The following INPP4A variants were observed in gnomAD, a reference collection of about 807,000 sequenced individuals.
The protein encoded by INPP4A is inositol polyphosphate-4-phosphatase, type I, 107kD.
Under a neutral mutation model 119.8 loss-of-function variants are expected in INPP4A, and 33 were observed. The ratio of observed to expected loss-of-function variants is 0.28; its 90% CI spans 0.21 to 0.37. The LOEUF (loss-of-function observed/expected upper bound fraction) is 0.37. Among genes scored for constraint, INPP4A ranks in the 10% least tolerant of loss-of-function variants. The pLI is 1.00. For missense variants in INPP4A, 956 were observed against 1,289.9 expected (o/e 0.74, Z 3.97); for synonymous variants, 496 against 500.7 (o/e 0.99, Z 0.12).
chr2:98,575,577 ATTCTCC>A (rs1559108766), intron 23 of INPP4A, among the ~76,000 whole-genome samples: 1 of 151,916 alleles, frequency 6.6e-6, no homozygotes, highest in African/African-American at 2.4e-5. Context: ...GAAGAAGCCT[ATTCTCC>A]TTCTGATTGT....
intron 17 of INPP4A, among the ~76,000 whole-genome samples, chr2:98,560,644 C>T (rs1347226850): frequency 3.9e-5 from 6 of 152,214 alleles, no homozygotes; most frequent in Admixed American, 3.9e-4. Flanking sequence ...AACAGTTGAT[C>T]TTGGTCTCCT....
At chr2:98,583,571 A>C (rs746680219) in intron 24 of INPP4A, among the ~76,000 whole-genome samples, 12 of 152,204 alleles carry the variant, frequency 7.9e-5, no homozygotes, top group Non-Finnish European at 1.5e-4. Context: ...TCTGTTTTCC[A>C]GTTCATATTA....
At chr2:98,582,621 A>C (rs888558626) in intron 24 of INPP4A, among the ~76,000 whole-genome samples, 1 of 149,392 alleles carries the variant, frequency 6.7e-6, no homozygotes, top group Admixed American at 6.6e-5. Context: ...CACCTACTGC[A>C]TACGCCAGAC....
chr2:98,489,215 G>A (rs774105372), intron 1 of INPP4A, among the ~76,000 whole-genome samples: 12 of 152,054 alleles, frequency 7.9e-5, no homozygotes, highest in Non-Finnish European at 1.8e-4. Context: ...GAGAAATCAG[G>A]AGGAGCCAGT....
intron 1 of INPP4A, among the ~76,000 whole-genome samples, chr2:98,500,440 G>T (rs1256430129): frequency 7.2e-5 from 11 of 152,184 alleles, no homozygotes; most frequent in Non-Finnish European, 1.5e-5. Context: ...CATGTCTGCT[G>T]TTCCAGAGAA....
At chr2:98,472,189 A>G (rs926190250) in intron 1 of INPP4A, among the ~76,000 whole-genome samples, 2 of 152,214 alleles carry the variant, frequency 1.3e-5, no homozygotes. Context: ...ACAGGGGCCA[A>G]GGAGGGCTGG....
intron 1 of INPP4A, among the ~76,000 whole-genome samples, chr2:98,478,286 C>T (rs912198814): frequency 6.6e-6 from 1 of 152,118 alleles, no homozygotes. Context: ...GTGGAGGCCT[C>T]GTCATGACTG....
At chr2:98,565,816 T>C (rs1696331948) in intron 20 of INPP4A, 50 bp downstream of exon 20, 5 of 1,594,810 alleles carry the variant, frequency 3.1e-6, no homozygotes, top group African/African-American at 1.4e-5. Flanking sequence ...TTTTCATTTT[T>C]GTTTATCTCA....
intron 1 of INPP4A, among the ~76,000 whole-genome samples, chr2:98,467,598 C>G (rs1027150032): frequency 2.0e-5 from 3 of 152,198 alleles, no homozygotes; most frequent in African/African-American, 7.2e-5. Context: ...TTCTCAGCCT[C>G]CATGGATTTA....
Position 98,566,237 on chromosome 2 carries a change from C to G in INPP4A, c.2420+68C>G, listed in dbSNP as rs536705871. On this transcript the variant is annotated intron_variant, in intron 21 of 24. Transcript: ENST00000409851. This position sits in a 1 kb window ranked among gnomAD's most constrained non-coding sequence, Gnocchi z 4.2. ...GGAGATGATGCAGAAAACGTACTTA[C>G]CCCTCTTCAGGCTCTAAGTGCTGGA... 13 of 1,455,590 alleles carry G rather than the reference C, an allele frequency of 8.9e-6. No homozygotes were observed. The highest frequency in any genetic ancestry group is 8.5e-5 in the African/African-American group (6 of 70,288). 90.2% of individuals were successfully genotyped at this position (1,455,590 alleles called of 1,614,324 possible).
Position 98,556,052 on chromosome 2 carries a change from C to T in INPP4A, c.1822+244C>T. 5 of 501,312 alleles carry T rather than the reference C, an allele frequency of 1.0e-5. No homozygotes were observed. In the South Asian group the frequency reaches 1.8e-4, roughly 19 times the overall value. The allele number at this position is 501,312 out of a possible 1,614,324, so 31.1% of individuals were successfully genotyped here. On this transcript the variant is annotated intron_variant, in intron 16 of 24. Transcript: ENST00000409851. ...CTCTGCCAGTCAGAATCTCAGGGTC[C>T]TCTTGAGATACACCACCATGGCTAT...
intron 1 of INPP4A, among the ~76,000 whole-genome samples, chr2:98,490,646 T>C (rs1409294983): frequency 1.3e-5 from 2 of 152,158 alleles, no homozygotes; most frequent in African/African-American, 4.8e-5. Context: ...TGGAGATACT[T>C]TCCTTCCTCT....
intron 1 of INPP4A, among the ~76,000 whole-genome samples, chr2:98,488,992 G>A (rs1428456286): frequency 1.4e-5 from 2 of 147,666 alleles, no homozygotes; most frequent in Admixed American, 6.8e-5. Flanking sequence ...TGTAAATGGT[G>A]TAGTTTGTTG....
Position 98,529,076 on chromosome 2 carries a change from C to CAAA in INPP4A, c.152-4284_152-4282dup, listed in dbSNP as rs200658332. ...CCTGGGCAACAGAGCGAGACTGTCT[C>CAAA]AAAAAAAAAAAAAAAAAAATTTCTA... is the stretch of plus-strand genomic sequence containing the variant. On this transcript the variant is annotated intron_variant, in intron 4 of 24. Coordinates refer to ENST00000409851, the MANE Select transcript of INPP4A (RefSeq NM_001134225.2). Among the ~76,000 whole-genome samples, 579 of 94,902 alleles carry CAAA rather than the reference C, an allele frequency of 6.1e-3. 7 individuals carry two copies. The highest frequency in any genetic ancestry group is 0.022 in the African/African-American group (536 of 24,454). 62.3% of individuals were successfully genotyped at this position (94,902 alleles called of 152,430 possible). A position where few individuals can be genotyped will look rare whatever the true frequency, so the allele number is the denominator to read the frequency against.
chr2:98,493,749 G>A (rs1163663880), intron 1 of INPP4A, among the ~76,000 whole-genome samples: 1 of 152,132 alleles, frequency 6.6e-6, no homozygotes, highest in African/African-American at 2.4e-5. Context: ...TACATGGAGT[G>A]TAGAGTTCAT....
chr2:98,490,725 G>C (rs1680552118), intron 1 of INPP4A, among the ~76,000 whole-genome samples: 2 of 152,150 alleles, frequency 1.3e-5, no homozygotes, highest in South Asian at 4.1e-4. Context: ...TGACGCCTGG[G>C]CCTCCGAGTA....
Position 98,590,387 on chromosome 2 carries a change from C to G in INPP4A, c.*2779C>G, listed in dbSNP as rs1017351469. 9.1e-5 allele frequency: 17 copies of G among 187,542 alleles called. No individual in the cohort carries two copies. The highest frequency in any genetic ancestry group is 1.9e-4 in the Non-Finnish European group (17 of 88,952). 11.6% of individuals were successfully genotyped at this position (187,542 alleles called of 1,614,324 possible). A position where few individuals can be genotyped will look rare whatever the true frequency, so the allele number is the denominator to read the frequency against. ...GACTTTGGGAGCACACAGACCAGGT[C>G]CCAATCCTGGTTCTGCCCCTGACTG... On this transcript the variant is annotated 3_prime_UTR_variant, in exon 25 of 25. Coordinates refer to ENST00000409851, the MANE Select transcript of INPP4A (RefSeq NM_001134225.2).
chr2:98,544,999 G>C (rs1185583857), intron 11 of INPP4A, among the ~76,000 whole-genome samples: 1 of 152,232 alleles, frequency 6.6e-6, no homozygotes, highest in Non-Finnish European at 1.5e-5. Context: ...GAGTTTTCTA[G>C]AGCAGAGCTT....
At chr2:98,482,773 T>C (rs1678739006) in intron 1 of INPP4A, among the ~76,000 whole-genome samples, 1 of 152,254 alleles carries the variant, frequency 6.6e-6, no homozygotes, top group South Asian at 2.1e-4. Context: ...TGATCTAAGC[T>C]TACACTTGAA....
Sources: gnomAD v4.1 joint callset for allele counts (sites outside exome capture counted in the v4.1 genomes callset) on GRCh38, gnomAD v4.1.1 for gene constraint, Gnocchi (gnomAD v3.1) non-coding constraint, MANE v1.5 for transcripts, NCBI Gene and HGNC (gene_info 2026-07-23, HGNC 2026-07-21) for gene names.